SERGEF: variants seen among roughly 807,000 people sequenced by gnomAD.
The protein encoded by SERGEF is secretion-regulating guanine nucleotide exchange factor.
In SERGEF, 51 loss-of-function variants were observed where a neutral mutation model predicts 50.0. That is an observed-to-expected ratio of 1.02 (90% CI 0.81 to 1.29). The LOEUF is 1.29. Ranked by LOEUF, SERGEF falls within the 50% of genes most tolerant of loss-of-function variation. SERGEF has a pLI of 0.00. For synonymous variants in SERGEF, 205 were observed against 212.4 expected (o/e 0.97, Z 0.30); for missense variants, 521 against 557.0 (o/e 0.94, Z 0.65).
chr11:17,821,702 A>T (rs1320237874), intron 10 of SERGEF, among the ~76,000 whole-genome samples: 1 of 152,206 alleles, frequency 6.6e-6, no homozygotes, highest in African/African-American at 2.4e-5. Context: ...TATCACATAG[A>T]TTAATCTCTC....
chr11:17,869,691 T>C (rs1680404170), intron 10 of SERGEF, among the ~76,000 whole-genome samples: 1 of 152,134 alleles, frequency 6.6e-6, no homozygotes, highest in Non-Finnish European at 1.5e-5. Flanking sequence ...CTTAATGCTA[T>C]CACGTTAGGG....
intron 9 of SERGEF, among the ~76,000 whole-genome samples, chr11:17,913,085 A>G (rs2133931906): frequency 6.6e-6 from 1 of 152,364 alleles, no homozygotes. Context: ...AGGGAAAGAA[A>G]AAATATCTGC....
chr11:17,801,030 C>T (rs2133825690), intron 10 of SERGEF, among the ~76,000 whole-genome samples: 1 of 151,944 alleles, frequency 6.6e-6, no homozygotes, highest in Admixed American at 6.5e-5. Context: ...CCTGTCTCTA[C>T]TAAAAATACA....
intron 10 of SERGEF, among the ~76,000 whole-genome samples, chr11:17,839,597 G>A (rs550830068): frequency 6.6e-6 from 1 of 152,264 alleles, no homozygotes; most frequent in Admixed American, 6.5e-5. Context: ...CCTACCCCAG[G>A]CTGCCAGTGA....
chr11:17,906,553 G>A (rs905270532), intron 9 of SERGEF, among the ~76,000 whole-genome samples: 1 of 152,190 alleles, frequency 6.6e-6, no homozygotes, highest in Non-Finnish European at 1.5e-5. Flanking sequence ...GGCTCTAGGA[G>A]ACAGTGCCAT....
intron 9 of SERGEF, among the ~76,000 whole-genome samples, chr11:17,881,941 T>C (rs1463674700): frequency 6.6e-6 from 1 of 152,198 alleles, no homozygotes; most frequent in Non-Finnish European, 1.5e-5. Flanking sequence ...CCTGTTTACC[T>C]CTCTGGCCTC....
rs1412010785 is a variant in SERGEF, at chr11:17,993,004, A to G, written c.623-11T>C. The G allele has an allele frequency of 6.2e-7, 1 of 1,612,438 alleles. No homozygotes were observed. Among genetic ancestry groups the G allele is most frequent in the Admixed American group, 1.7e-5 (1 of 60,012 alleles). ...TAGAATTCTCTAGACCTACAAAAGAAAAAATGTTCTTCTGAATTACATTTA... is the reference window on the plus strand; with the variant it reads ...TAGAATTCTCTAGACCTACAAAAGAGAAAATGTTCTTCTGAATTACATTTA... On this transcript the variant is annotated splice_polypyrimidine_tract_variant and intron_variant, in intron 6 of 10. Coordinates refer to ENST00000265965, the MANE Select transcript of SERGEF (RefSeq NM_012139.4).
At chr11:17,871,767 T>C (rs1168797291) in intron 10 of SERGEF, among the ~76,000 whole-genome samples, 3 of 152,164 alleles carry the variant, frequency 2.0e-5, no homozygotes, top group Non-Finnish European at 2.9e-5. Flanking sequence ...CTCAACAGAA[T>C]TGCCTAAATC....
intron 2 of SERGEF, among the ~76,000 whole-genome samples, 193 bp downstream of exon 2, chr11:18,007,748 G>T (rs948443943): frequency 6.6e-6 from 1 of 152,108 alleles, no homozygotes; most frequent in Non-Finnish European, 1.5e-5. Flanking sequence ...TGGCCTAGAA[G>T]ATCTCTGAAG....
intron 10 of SERGEF, among the ~76,000 whole-genome samples, chr11:17,832,098 C>T (rs1274774219): frequency 1.3e-5 from 2 of 152,194 alleles, no homozygotes; most frequent in Non-Finnish European, 2.9e-5. Context: ...TAGCAACTTC[C>T]CCTTTTGGGA....
chr11:17,963,903 AAAGAG>A (rs1260829969), intron 8 of SERGEF, among the ~76,000 whole-genome samples: 5 of 152,190 alleles, frequency 3.3e-5, no homozygotes, highest in Non-Finnish European at 7.3e-5. Context: ...TAGCAAGTGA[AAAGAG>A]AAGAAAAGAA....
intron 8 of SERGEF, among the ~76,000 whole-genome samples, chr11:17,981,811 T>C (rs532860834): frequency 3.3e-5 from 5 of 152,224 alleles, no homozygotes; most frequent in African/African-American, 1.2e-4. Flanking sequence ...TTCTTTTTTT[T>C]TCTCTTTGAG....
At chr11:17,824,038 A>G (rs1044425173) in intron 10 of SERGEF, among the ~76,000 whole-genome samples, 1 of 152,218 alleles carries the variant, frequency 6.6e-6, no homozygotes, top group African/African-American at 2.4e-5. Context: ...GCGGTGGCTC[A>G]TGCCTGTAAT....
chr11:17,809,723 G>C lies in SERGEF; in HGVS notation c.1049-21310C>G, dbSNP rs563781796. On this transcript the variant is annotated intron_variant, in intron 10 of 10. Coordinates refer to ENST00000265965, the MANE Select transcript of SERGEF (RefSeq NM_012139.4). ...GGGACCAAGAGGACTTGGCATCTGTGAAGCTGTGGGTACAGAGGGGTGAGA... is the reference window on the plus strand; with the variant it reads ...GGGACCAAGAGGACTTGGCATCTGTCAAGCTGTGGGTACAGAGGGGTGAGA... Among the ~76,000 whole-genome samples, 8 of 152,132 alleles carry C rather than the reference G, an allele frequency of 5.3e-5. No homozygotes were observed. In the South Asian group the frequency reaches 1.7e-3, roughly 32 times the overall value.
intron 10 of SERGEF, among the ~76,000 whole-genome samples, chr11:17,862,264 A>G (rs756926199): frequency 6.6e-6 from 1 of 152,158 alleles, no homozygotes; most frequent in Admixed American, 6.5e-5. Context: ...CCCTAACCCC[A>G]TGTTAGGATG....
chr11:17,863,049 A>G (rs566326096), intron 10 of SERGEF, among the ~76,000 whole-genome samples: 6 of 152,356 alleles, frequency 3.9e-5, no homozygotes, highest in African/African-American at 1.4e-4. Context: ...GAGCAGCACA[A>G]GAAGCGGCAA....
At chr11:17,948,686 C>A (rs1369945110) in intron 9 of SERGEF, among the ~76,000 whole-genome samples, 4 of 152,240 alleles carry the variant, frequency 2.6e-5, no homozygotes, top group Admixed American at 6.5e-5. Context: ...TGAAGTGGCA[C>A]ATGGGGAGGC....
intron 9 of SERGEF, among the ~76,000 whole-genome samples, chr11:17,883,543 G>T (rs1851374373): frequency 6.6e-6 from 1 of 152,198 alleles, no homozygotes; most frequent in African/African-American, 2.4e-5. Context: ...TGAAGCTGCT[G>T]GGGTTCAGGG....
intron 8 of SERGEF, among the ~76,000 whole-genome samples, chr11:17,978,889 C>A (rs756046945): frequency 7.9e-5 from 12 of 152,218 alleles, no homozygotes; most frequent in Non-Finnish European, 1.6e-4. Context: ...GGTGGCCCTG[C>A]AGGCCCAGCC....
Sources: allele counts gnomAD v4.1 joint callset (sites outside exome capture counted in the v4.1 genomes callset), GRCh38; gene constraint gnomAD v4.1.1; transcripts MANE v1.5; gene names NCBI Gene and HGNC (gene_info 2026-07-23, HGNC 2026-07-21).